The following KCNJ14 variants were observed in gnomAD, a reference collection of about 807,000 sequenced individuals.
The protein encoded by KCNJ14 is potassium inwardly rectifying channel subfamily J member 14, also known as ATP-sensitive inward rectifier potassium channel 14.
A neutral mutation model predicts 24.5 loss-of-function variants in KCNJ14; 18 were observed. That is an observed-to-expected ratio of 0.74 (90% confidence interval 0.51 to 1.09). The LOEUF (loss-of-function observed/expected upper bound fraction) is 1.09. Ranked by LOEUF, KCNJ14 falls within the 50% of genes least tolerant of loss-of-function variation. The probability of loss-of-function intolerance (pLI) is 0.00; values close to 1 mark genes in which losing one functional copy is unlikely to be tolerated. For synonymous variants in KCNJ14, 288 were observed against 270.8 expected (o/e 1.06, Z -0.63); for missense variants, 633 against 623.0 (o/e 1.02, Z -0.17).
In KCNJ14 at chr19:48,462,293, A is replaced by G. The variant is rs1244798538; in HGVS notation, c.569A>G (p.Lys190Arg). 1 of 1,548,404 alleles carries G rather than the reference A, an allele frequency of 6.5e-7. No homozygotes were observed. Among genetic ancestry groups the G allele is most frequent in the South Asian group, 1.2e-5 (1 of 84,280 alleles). ...VVGAVMAKMA[K>R]PKKRNETLVF... is the part of the protein sequence containing the mutation. Reference sequence around the variant, plus strand: ...GGTGCTGTCATGGCCAAGATGGCCAAACCCAAGAAGCGCAACGAGACGCTG... The same window carrying G: ...GGTGCTGTCATGGCCAAGATGGCCAGACCCAAGAAGCGCAACGAGACGCTG... The change falls in exon 2 of 3, where the codon AAA (lysine) becomes AGA (arginine). Residue 190 changes from lysine (K) to arginine (R), a missense_variant. Transcript: ENST00000342291. This position sits in a 1 kb window ranked among gnomAD's most constrained non-coding sequence, Gnocchi z 4.9.
Position 48,462,151 on chromosome 19 carries a change from G to C in KCNJ14, c.427G>C (p.Glu143Gln), listed in dbSNP as rs766284390. 1 of 1,588,242 alleles carries C rather than the reference G, an allele frequency of 6.3e-7. No homozygotes were observed. Among genetic ancestry groups the C allele is most frequent in the Non-Finnish European group, 8.6e-7 (1 of 1,168,252 alleles). ...SFLAAFLFAL[E>Q]TQTSIGYGVR... is the part of the protein sequence containing the mutation. ...CCTGGCCGCCTTCCTCTTCGCGCTG[G>C]AGACGCAGACGTCCATCGGCTACGG... is the stretch of plus-strand genomic sequence containing the variant. The change falls in exon 2 of 3, where the codon GAG becomes CAG. Residue 143 changes from glutamate to glutamine, a missense_variant. By Grantham distance (29) the Glu-to-Gln change is conservative. Transcript: ENST00000342291. This position sits in a 1 kb window ranked among gnomAD's most constrained non-coding sequence, Gnocchi z 4.9.
At position 48,464,405 on chromosome 19, in the gene KCNJ14, C is replaced by T. The variant is rs996562660; in HGVS notation, c.939C>T (p.Thr313=). ...LEGMVEATAM[T]TQCRSSYLPG... is the part of the protein sequence containing the mutation. ...GGATGGTTGAGGCCACAGCCATGAC[C>T]ACACAGTGTCGCTCGTCCTACCTCC... Residue 313 remains threonine (T), a synonymous_variant, in exon 3 of 3, where the codon ACC becomes ACT. Coordinates refer to ENST00000342291, the MANE Select transcript of KCNJ14 (RefSeq NM_013348.4). 8.7e-6 allele frequency: 14 copies of T among 1,613,412 alleles called. No homozygotes were observed. In the African/African-American group the frequency reaches 1.6e-4, roughly 18 times the overall value.
At chr19:48,458,596 G>A (rs1224246642) in intron 1 of KCNJ14, among the ~76,000 whole-genome samples, 1 of 152,066 alleles carries the variant, frequency 6.6e-6, no homozygotes, top group Non-Finnish European at 1.5e-5. Context: ...TTTTAATAGA[G>A]ACGGGATTTT....
In KCNJ14 at chr19:48,462,519, C is replaced by CGGTCCTGGAGGGGGCGTGG; in HGVS notation, c.714+82_714+100dup. The stretch of plus-strand genomic sequence containing the variant: ...TGTAGGCCCGAGGGCGAGGGGCGTG[C>CGGTCCTGGAGGGGGCGTGG]GGTCCTGGAGGGGGCGTGGACTACA... On this transcript the variant is annotated intron_variant, in intron 2 of 2. Transcript: ENST00000342291. This position sits in a 1 kb window ranked among gnomAD's most constrained non-coding sequence, Gnocchi z 4.9. 8.9e-7 allele frequency: 1 copy of CGGTCCTGGAGGGGGCGTGG among 1,129,460 alleles called. No individual in the cohort carries two copies. The highest frequency in any genetic ancestry group is 1.2e-6 in the Non-Finnish European group (1 of 821,662). 70.0% of individuals were successfully genotyped at this position (1,129,460 alleles called of 1,614,324 possible). A position where few individuals can be genotyped will look rare whatever the true frequency, so the allele number is the denominator to read the frequency against.
intron 1 of KCNJ14, among the ~76,000 whole-genome samples, chr19:48,460,573 C>G (rs372520919): frequency 6.6e-6 from 1 of 152,216 alleles, no homozygotes; most frequent in South Asian, 2.1e-4. Flanking sequence ...ACTTTCTGTG[C>G]TTCAGTTTCC....
Position 48,464,282 on chromosome 19 carries a change from C to T in KCNJ14, c.816C>T (p.Ile272=). The change falls in exon 3 of 3, where the codon ATC becomes ATT. Residue 272 remains isoleucine (I), a synonymous_variant. Coordinates refer to ENST00000342291, the MANE Select transcript of KCNJ14 (RefSeq NM_013348.4). ...GTDRIFLVSP[I]TIVHEIDSAS... is the part of the protein sequence containing the mutation. Reference sequence around the variant, plus strand: ...ATCGTATCTTCCTCGTGTCCCCCATCACCATCGTCCATGAGATCGACTCTG... The same window carrying T: ...ATCGTATCTTCCTCGTGTCCCCCATTACCATCGTCCATGAGATCGACTCTG... The T allele has an allele frequency of 1.2e-6, 2 of 1,614,020 alleles. No homozygotes were observed. The highest frequency in any genetic ancestry group is 2.7e-5 in the African/African-American group (2 of 75,032).
In KCNJ14 at chr19:48,462,144, C is replaced by A; in HGVS notation, c.420C>A (p.Phe140Leu). 2 of 1,591,340 alleles carry A rather than the reference C, an allele frequency of 1.3e-6. No homozygotes were observed. Among genetic ancestry groups the A allele is most frequent in the Admixed American group, 1.8e-5 (1 of 56,782 alleles). Residue 140 changes from phenylalanine to leucine, a missense_variant, in exon 2 of 3, where the codon TTC (phenylalanine) becomes TTA (leucine). By Grantham distance (22) the Phe-to-Leu change is conservative. Transcript: ENST00000342291. The surrounding 1 kb of genome is among the most constrained non-coding windows in gnomAD (Gnocchi z 4.9). ...CCAGCTTCCTGGCCGCCTTCCTCTT[C>A]GCGCTGGAGACGCAGACGTCCATCG... ...HVASFLAAFL[F>L]ALETQTSIGY...
In KCNJ14 at chr19:48,465,291, G is replaced by C. The variant is rs538819869; in HGVS notation, c.*514G>C. The C allele has an allele frequency of 6.5e-6, 1 of 152,712 alleles. No individual in the cohort carries two copies. Among genetic ancestry groups the C allele is most frequent in the Non-Finnish European group, 1.4e-5 (1 of 69,196 alleles). The allele number at this position is 152,712 out of a possible 1,614,324, so 9.5% of individuals were successfully genotyped here. The stretch of plus-strand genomic sequence containing the variant: ...GAGGGAAGGTTATGGAATGCCCCAA[G>C]TATTCAAGATCATCTTGATTGACCA... On this transcript the variant is annotated 3_prime_UTR_variant, in exon 3 of 3. Transcript: ENST00000342291.
In KCNJ14 at chr19:48,464,558, G is replaced by T; in HGVS notation, c.1092G>T (p.Lys364Asn). Residue 364 changes from lysine to asparagine, a missense_variant, in exon 3 of 3, where the codon AAG (lysine) becomes AAT (asparagine). Transcript: ENST00000342291. ...EVPGTPVCSA[K>N]ELDERAEQAS... ...CAGGGACACCGGTCTGCAGTGCTAA[G>T]GAGCTGGATGAACGGGCAGAGCAGG... is the stretch of plus-strand genomic sequence containing the variant. The T allele has an allele frequency of 6.2e-7, 1 of 1,614,202 alleles. No individual in the cohort carries two copies.
Position 48,462,213 on chromosome 19 carries a change from G to A in KCNJ14, c.489G>A (p.Val163=). The stretch of plus-strand genomic sequence containing the variant: ...TCACCGAGGAGTGCCCGGCCGCTGT[G>A]GCCGCCGTGGTGCTGCAGTGCATTG... ...RSVTEECPAA[V]AAVVLQCIAG... Residue 163 remains valine, a synonymous_variant, in exon 2 of 3, where the codon GTG becomes GTA. Coordinates refer to ENST00000342291, the MANE Select transcript of KCNJ14 (RefSeq NM_013348.4). The surrounding 1 kb of genome is among the most constrained non-coding windows in gnomAD (Gnocchi z 4.9). 6.4e-7 allele frequency: 1 copy of A among 1,552,888 alleles called. No homozygotes were observed. The highest frequency in any genetic ancestry group is 8.7e-7 in the Non-Finnish European group (1 of 1,148,506).
In KCNJ14 at chr19:48,464,968, C is replaced by T. The variant is rs908330806; in HGVS notation, c.*191C>T. 8.5e-6 allele frequency: 5 copies of T among 588,298 alleles called. No individual in the cohort carries two copies. Among genetic ancestry groups the T allele is most frequent in the Non-Finnish European group, 9.1e-6 (3 of 330,150 alleles). 36.4% of individuals were successfully genotyped at this position (588,298 alleles called of 1,614,324 possible). On this transcript the variant is annotated 3_prime_UTR_variant, in exon 3 of 3. Transcript: ENST00000342291. The stretch of plus-strand genomic sequence containing the variant: ...GACATACTGGACCTTAATTCCTCTG[C>T]TTCTGTGCTCCCTCCTGAGAACCCT...
intron 2 of KCNJ14, 47 bp from the exon 3 acceptor site, chr19:48,464,134 C>G: frequency 2.3e-6 from 3 of 1,322,968 alleles, no homozygotes; most frequent in Non-Finnish European, 3.3e-6. Context: ...CGTCTCTGCC[C>G]GTCTCTGTGC....
rs758342623 is a variant in KCNJ14, at chr19:48,462,073, G to C, written c.349G>C (p.Asp117His). Residue 117 changes from aspartate (D) to histidine (H), a missense_variant, in exon 2 of 3, where the codon GAC becomes CAC. Transcript: ENST00000342291. This position sits in a 1 kb window ranked among gnomAD's most constrained non-coding sequence, Gnocchi z 4.9. ...AFWLIASLHG[D>H]LAAPPPPAPC... is the part of the protein sequence containing the mutation. ...CTGGCTCATTGCCTCGCTGCACGGCGACCTGGCCGCCCCGCCACCGCCCGC... is the reference window on the plus strand; with the variant it reads ...CTGGCTCATTGCCTCGCTGCACGGCCACCTGGCCGCCCCGCCACCGCCCGC... 5.0e-6 allele frequency: 8 copies of C among 1,606,986 alleles called. No individual in the cohort carries two copies. The South Asian group carries it at 8.8e-5, about 18-fold the overall frequency.
In KCNJ14 at chr19:48,462,137, T is replaced by TC; in HGVS notation, c.415dup (p.Leu139ProfsTer108). On this transcript the variant is annotated frameshift_variant, in exon 2 of 3. Transcript: ENST00000342291. LOFTEE classifies it high-confidence loss of function. This position sits in a 1 kb window ranked among gnomAD's most constrained non-coding sequence, Gnocchi z 4.9. ...CACGTGGCCAGCTTCCTGGCCGCCT[T>TC]CCTCTTCGCGCTGGAGACGCAGACG... The TC allele has an allele frequency of 3.8e-6, 6 of 1,593,958 alleles. No homozygotes were observed. The highest frequency in any genetic ancestry group is 5.1e-6 in the Non-Finnish European group (6 of 1,171,348).
chr19:48,457,615 C>A (rs1284439106), intron 1 of KCNJ14, among the ~76,000 whole-genome samples: 1 of 152,184 alleles, frequency 6.6e-6, no homozygotes, highest in Non-Finnish European at 1.5e-5. Context: ...CATATCATAT[C>A]ATACACTCAC....
In KCNJ14 at chr19:48,461,975, T is replaced by G; in HGVS notation, c.251T>G (p.Val84Gly). ...GACCTGTTCACCACATGCGTGGACG[T>G]GCGCTGGCGCTGGATGTGCCTGCTC... ...LSDLFTTCVD[V>G]RWRWMCLLFS... The change falls in exon 2 of 3, where the codon GTG becomes GGG. Residue 84 changes from valine to glycine, a missense_variant. Physicochemically the swap from Val to Gly is moderately radical, Grantham distance 109 (BLOSUM62 -3). Transcript: ENST00000342291. The G allele has an allele frequency of 1.9e-6, 3 of 1,613,166 alleles. No individual in the cohort carries two copies. The highest frequency in any genetic ancestry group is 2.5e-6 in the Non-Finnish European group (3 of 1,179,702).
intron 1 of KCNJ14, among the ~76,000 whole-genome samples, chr19:48,457,272 A>C: frequency 6.6e-6 from 1 of 152,042 alleles, no homozygotes; most frequent in Admixed American, 6.6e-5. Context: ...CACCATGCCC[A>C]GCCCCCAGGC....
chr19:48,459,594 C>A (rs930624923), intron 1 of KCNJ14, among the ~76,000 whole-genome samples: 45 of 152,116 alleles, frequency 3.0e-4, no homozygotes, highest in Non-Finnish European at 1.0e-4. Flanking sequence ...AAGCCCCTTG[C>A]TATGTTGTCC....
chr19:48,462,094 C>T lies in KCNJ14; in HGVS notation c.370C>T (p.Pro124Ser), dbSNP rs959973548. 1 of 1,602,454 alleles carries T rather than the reference C, an allele frequency of 6.2e-7. No individual in the cohort carries two copies. The highest frequency in any genetic ancestry group is 1.3e-5 in the African/African-American group (1 of 74,768). The change falls in exon 2 of 3, where the codon CCC (proline) becomes TCC (serine). Residue 124 changes from proline to serine, a missense_variant. Pro to Ser is a moderately conservative substitution (Grantham distance 74). Coordinates refer to ENST00000342291, the MANE Select transcript of KCNJ14 (RefSeq NM_013348.4). The surrounding 1 kb of genome is among the most constrained non-coding windows in gnomAD (Gnocchi z 4.9). ...LHGDLAAPPP[P>S]APCFSHVASF... ...CGGCGACCTGGCCGCCCCGCCACCG[C>T]CCGCGCCCTGCTTCTCACACGTGGC...
Sources: gnomAD v4.1 joint callset for allele counts (sites outside exome capture counted in the v4.1 genomes callset) on GRCh38, gnomAD v4.1.1 for gene constraint, Gnocchi (gnomAD v3.1) non-coding constraint, MANE v1.5 for transcripts, NCBI Gene and HGNC (gene_info 2026-07-23, HGNC 2026-07-21) for gene names.